Variants in CCDC141 observed in about 807,000 individuals in gnomAD.
CCDC141 encodes coiled-coil domain containing 141.
In CCDC141, 168 loss-of-function variants were observed where a neutral mutation model predicts 181.0. The ratio of observed to expected loss-of-function variants is 0.93; its 90% CI spans 0.82 to 1.05. CCDC141 has a LOEUF of 1.05. CCDC141 is among the 50% of genes least tolerant of loss of function. The pLI, the probability that CCDC141 is intolerant of heterozygous loss-of-function variation, is 0.00. For missense variants in CCDC141, 1,902 were observed against 1,788.5 expected (o/e 1.06, Z -1.14); for synonymous variants, 666 against 642.3 (o/e 1.04, Z -0.56).
downstream of CCDC141, among the ~76,000 whole-genome samples, chr2:178,827,745 T>C (rs918463942): frequency 5.9e-5 from 9 of 152,120 alleles, no homozygotes; most frequent in Non-Finnish European, 8.8e-5. Flanking sequence ...CAGAGACTTG[T>C]ATTGGTTCTT....
downstream of CCDC141, among the ~76,000 whole-genome samples, chr2:178,828,727 G>A (rs1684162384): frequency 6.6e-6 from 1 of 152,174 alleles, no homozygotes. Context: ...GTGTGGGTGT[G>A]CATAATACTT....
intron 2 of CCDC141, among the ~76,000 whole-genome samples, chr2:179,037,720 T>A (rs2043183849): frequency 6.6e-6 from 1 of 152,176 alleles, no homozygotes; most frequent in Admixed American, 6.5e-5. Flanking sequence ...AAAAAAGATA[T>A]ACACTGGCCA....
intron 5 of CCDC141, among the ~76,000 whole-genome samples, chr2:178,952,976 C>T (rs1690013620): frequency 6.6e-6 from 1 of 152,118 alleles, no homozygotes; most frequent in South Asian, 2.1e-4. Context: ...TTAGGAAATA[C>T]TTCTTAACTT....
At chr2:178,954,154 T>G (rs774200378) in intron 5 of CCDC141, among the ~76,000 whole-genome samples, 17 of 152,232 alleles carry the variant, frequency 1.1e-4, no homozygotes, top group Non-Finnish European at 2.4e-4. Context: ...AGACCATGAA[T>G]AGCTTAGTTT....
At chr2:178,941,958 C>A (rs1575245265) in intron 6 of CCDC141, among the ~76,000 whole-genome samples, 1 of 71,496 alleles carries the variant, frequency 1.4e-5, no homozygotes, top group Non-Finnish European at 2.3e-5. Context: ...GATCCCATCT[C>A]AAAAAAAAAA....
At chr2:178,828,290 G>A (rs1405820090), downstream of CCDC141, among the ~76,000 whole-genome samples, 2 of 152,146 alleles carry the variant, frequency 1.3e-5, no homozygotes, top group East Asian at 1.9e-4. Flanking sequence ...GACACTCAGC[G>A]TCCTCACCGT....
intron 8 of CCDC141, among the ~76,000 whole-genome samples, chr2:178,900,925 T>C (rs910382711): frequency 6.6e-6 from 1 of 152,160 alleles, no homozygotes; most frequent in South Asian, 2.1e-4. Flanking sequence ...GGAAAATACA[T>C]GAGATGAGCC....
intron 2 of CCDC141, among the ~76,000 whole-genome samples, chr2:178,996,647 T>C (rs953503907): frequency 2.0e-5 from 3 of 152,174 alleles, no homozygotes; most frequent in Admixed American, 6.5e-5. Context: ...ATCAGTGATA[T>C]AAAGGCTTTA....
At position 178,855,729 on chromosome 2, in the gene CCDC141, A is replaced by T. The variant is rs142762502; in HGVS notation, c.2866-188T>A. ...AAATTCTATTGATTTAGCATTCAGC[A>T]AATAAATAGAAAATGTACACAGGTG... On this transcript the variant is annotated intron_variant, in intron 18 of 23. Transcript: ENST00000443758. 8.7e-4 allele frequency among the ~76,000 whole-genome samples: 132 copies of T among 152,364 alleles called. 2 individuals carry two copies. In the East Asian group the frequency reaches 0.024, roughly 27 times the overall value.
intron 8 of CCDC141, among the ~76,000 whole-genome samples, chr2:178,891,735 C>A (rs1687160340): frequency 6.6e-6 from 1 of 151,956 alleles, no homozygotes. Context: ...TAGCAACCTG[C>A]AATTTTAATT....
intron 7 of CCDC141, among the ~76,000 whole-genome samples, chr2:178,906,366 G>T (rs149385870): frequency 4.6e-5 from 7 of 152,122 alleles, no homozygotes; most frequent in Non-Finnish European, 8.8e-5. Flanking sequence ...GAATACTGTG[G>T]GTATATGAGG....
chr2:178,853,633 A>AAATG lies in CCDC141; in HGVS notation c.3061-13_3061-10dup. ...TCGTACCAAAAATGACACTAAATTT[A>AAATG]AATGGGATAAAGCACAGATGAAAGA... is the stretch of plus-strand genomic sequence containing the variant. On this transcript the variant is annotated splice_polypyrimidine_tract_variant and intron_variant, in intron 19 of 23. Coordinates refer to ENST00000443758, the MANE Select transcript of CCDC141 (RefSeq NM_173648.4). 1 of 1,609,880 alleles carries AAATG rather than the reference A, an allele frequency of 6.2e-7. No individual in the cohort carries two copies. Among genetic ancestry groups the AAATG allele is most frequent in the Non-Finnish European group, 8.5e-7 (1 of 1,177,212 alleles).
At chr2:178,910,589 G>A (rs1476516013) in intron 7 of CCDC141, among the ~76,000 whole-genome samples, 1 of 152,116 alleles carries the variant, frequency 6.6e-6, no homozygotes, top group Non-Finnish European at 1.5e-5. Context: ...AGAACTTCTG[G>A]TGGTTCCCAC....
chr2:178,963,648 C>T (rs1690499545), intron 4 of CCDC141, among the ~76,000 whole-genome samples: 1 of 150,404 alleles, frequency 6.6e-6, no homozygotes, highest in South Asian at 2.1e-4. Context: ...CCAGTTTTCT[C>T]TTTCAATTGA....
At chr2:178,994,123 T>G (rs140733635) in intron 2 of CCDC141, among the ~76,000 whole-genome samples, 140 of 152,308 alleles carry the variant, frequency 9.2e-4, no homozygotes, top group African/African-American at 3.2e-3. Context: ...ACAGTGGGCC[T>G]CTTCTCACAG....
At chr2:178,906,276 A>G (rs1687965610) in intron 7 of CCDC141, among the ~76,000 whole-genome samples, 1 of 152,190 alleles carries the variant, frequency 6.6e-6, no homozygotes, top group Non-Finnish European at 1.5e-5. Context: ...TTAACATAAA[A>G]TAGAGAGGAG....
chr2:178,833,568 C>A lies in CCDC141; in HGVS notation c.*605G>T, dbSNP rs1040765882. On this transcript the variant is annotated 3_prime_UTR_variant, in exon 24 of 24. Transcript: ENST00000443758. ...TGGAAACTCTATTTAAAGTTGATGGCACATCTATCCTCCAATGTCAAACCC... is the reference window on the plus strand; with the variant it reads ...TGGAAACTCTATTTAAAGTTGATGGAACATCTATCCTCCAATGTCAAACCC... The A allele has an allele frequency of 1.3e-5, 2 of 152,530 alleles. No homozygotes were observed. The highest frequency in any genetic ancestry group is 2.9e-5 in the Non-Finnish European group (2 of 68,318). 9.4% of individuals were successfully genotyped at this position (152,530 alleles called of 1,614,324 possible).
In CCDC141 at chr2:179,044,663, G is replaced by A. The variant is rs74910537; in HGVS notation, c.225+2621C>T. Among the ~76,000 whole-genome samples, 890 of 152,274 alleles carry A rather than the reference G, an allele frequency of 5.8e-3. 7 individuals carry two copies. Among genetic ancestry groups the A allele is most frequent in the Admixed American group, 0.017 (266 of 15,294 alleles). Reference sequence around the variant, plus strand: ...GGGCATGAATTATTAACAGGAACTGGGGAAAAGATGTGGTTTCAAGCCCAG... The same window carrying A: ...GGGCATGAATTATTAACAGGAACTGAGGAAAAGATGTGGTTTCAAGCCCAG... On this transcript the variant is annotated intron_variant, in intron 2 of 23. Coordinates refer to ENST00000443758, the MANE Select transcript of CCDC141 (RefSeq NM_173648.4).
chr2:178,872,434 T>C, intron 12 of CCDC141, 122 bp from the exon 13 acceptor site: 1 of 838,954 alleles, frequency 1.2e-6, no homozygotes, highest in Non-Finnish European at 1.8e-6. Flanking sequence ...GGTTCTGACA[T>C]CCAAGCAAGT....
Sources: gnomAD v4.1 joint callset for allele counts (sites outside exome capture counted in the v4.1 genomes callset) on GRCh38, gnomAD v4.1.1 for gene constraint, MANE v1.5 for transcripts, NCBI Gene and HGNC (gene_info 2026-07-23, HGNC 2026-07-21) for gene names.